Variants in PTPRU observed in about 807,000 individuals in gnomAD.
PTPRU encodes protein tyrosine phosphatase receptor type U.
PTPRU carries 69 observed loss-of-function variants against 166.3 expected under a neutral mutation model. The ratio of observed to expected loss-of-function variants is 0.41; its 90% CI spans 0.34 to 0.51. The LOEUF (loss-of-function observed/expected upper bound fraction) is 0.51. PTPRU is among the 20% of genes least tolerant of loss of function. The probability of loss-of-function intolerance (pLI) is 0.09; values close to 1 mark genes in which losing one functional copy is unlikely to be tolerated. For synonymous variants in PTPRU, 793 were observed against 814.0 expected (o/e 0.97, Z 0.44); for missense variants, 1,657 against 2,013.7 (o/e 0.82, Z 3.39).
intron 15 of PTPRU, among the ~76,000 whole-genome samples, chr1:29,301,998 G>A (rs1687154462): frequency 6.6e-6 from 1 of 152,114 alleles, no homozygotes; most frequent in African/African-American, 2.4e-5. Flanking sequence ...GGACATTTGG[G>A]TTGGTTCCAA....
chr1:29,264,557 G>A (rs12402615), intron 7 of PTPRU, among the ~76,000 whole-genome samples: 20,570 of 151,496 alleles, frequency 0.14, 2,387 homozygotes, highest in East Asian at 0.64. Flanking sequence ...CCAGGCTGGA[G>A]TGCAATGGCG....
chr1:29,249,822 A>G (rs1341957074), intron 1 of PTPRU, among the ~76,000 whole-genome samples: 1 of 152,166 alleles, frequency 6.6e-6, no homozygotes, highest in African/African-American at 2.4e-5. Context: ...TATATCATTT[A>G]TCTCATCTGA....
chr1:29,258,886 G>A, intron 3 of PTPRU, 110 bp downstream of exon 3: 2 of 1,440,420 alleles, frequency 1.4e-6, no homozygotes, highest in Non-Finnish European at 9.2e-7. Context: ...TCTGCATTCA[G>A]TATCAGAGGC....
chr1:29,275,083 C>T (rs1450213175), intron 7 of PTPRU, among the ~76,000 whole-genome samples: 1 of 150,108 alleles, frequency 6.7e-6, no homozygotes, highest in Non-Finnish European at 1.5e-5. Context: ...TTTTTGAGGG[C>T]TTATTGTATA....
intron 15 of PTPRU, among the ~76,000 whole-genome samples, chr1:29,299,392 C>T (rs1687038725): frequency 6.6e-6 from 1 of 152,184 alleles, no homozygotes; most frequent in African/African-American, 2.4e-5. Context: ...AAGTGTGTCT[C>T]AAGTCCCACA....
rs766621505 is a variant in PTPRU at position 29,312,569 on chromosome 1, G to C, written c.3090G>C (p.Arg1030=). 10 of 1,592,750 alleles carry C rather than the reference G, an allele frequency of 6.3e-6. 1 individual carries two copies. The highest frequency in any genetic ancestry group is 8.6e-6 in the Non-Finnish European group (10 of 1,163,136). ...CTCCCCAGAGAGGCTACTCTGCCCG[G>C]CACGAGGTCCGCCAGTTCCACTTCA... ...FALERRGYSA[R]HEVRQFHFTA... is the part of the protein sequence containing the mutation. The change falls in exon 22 of 30, where the codon CGG becomes CGC. Residue 1030 remains arginine, a synonymous_variant. Coordinates refer to ENST00000373779, the MANE Select transcript of PTPRU (RefSeq NM_133178.4).
In PTPRU at chr1:29,260,701, C is replaced by G. The variant is rs1685017522; in HGVS notation, c.942C>G (p.Asp314Glu). The G allele has an allele frequency of 6.3e-7, 1 of 1,588,396 alleles. No individual in the cohort carries two copies. The highest frequency in any genetic ancestry group is 8.6e-7 in the Non-Finnish European group (1 of 1,165,904). The change falls in exon 7 of 30, where the codon GAC becomes GAG. Residue 314 changes from aspartate to glutamate, a missense_variant. Physicochemically the swap from Asp to Glu is conservative, Grantham distance 45 (BLOSUM62 2). This residue lies in a region of PTPRU where 453 missense variants were observed against 496.9 expected (regional missense o/e 0.91). Transcript: ENST00000373779. This position sits in a 1 kb window ranked among gnomAD's most constrained non-coding sequence, Gnocchi z 8.3. ...IQLNTNSIIG[D>E]GPIVRKEIEY... The stretch of plus-strand genomic sequence containing the variant: ...TCAACACCAACTCCATCATTGGCGA[C>G]GGGCCGATCGTGCGCAAGGAGATTG...
chr1:29,301,176 C>G lies in PTPRU; in HGVS notation c.2477-2679C>G, dbSNP rs114761048. On this transcript the variant is annotated intron_variant, in intron 15 of 29. Coordinates refer to ENST00000373779, the MANE Select transcript of PTPRU (RefSeq NM_133178.4). ...TGGAGTTGAATAAGCCCCTCACAGC[C>G]TCACCCAGAGCAGGAGGAGGGACAT... Among the ~76,000 whole-genome samples, 1,273 of 152,252 alleles carry G rather than the reference C, an allele frequency of 8.4e-3. 19 individuals are homozygous for G. Among genetic ancestry groups the G allele is most frequent in the African/African-American group, 0.029 (1,211 of 41,532 alleles).
chr1:29,252,415 G>GCGC (rs1684592648), intron 1 of PTPRU, among the ~76,000 whole-genome samples: 1 of 151,944 alleles, frequency 6.6e-6, no homozygotes, highest in Non-Finnish European at 1.5e-5. Flanking sequence ...CTATAGGCAT[G>GCGC]CGCCACCACA....
intron 21 of PTPRU, 60 bp from the exon 22 acceptor site, chr1:29,312,492 G>A: frequency 1.4e-6 from 2 of 1,453,594 alleles, no homozygotes; most frequent in South Asian, 2.7e-5. Context: ...CACACAGCAG[G>A]TGTCTAATGG....
At chr1:29,259,758 G>A in intron 5 of PTPRU, 112 bp from the exon 6 acceptor site, 2 of 1,345,056 alleles carry the variant, frequency 1.5e-6, no homozygotes, top group Non-Finnish European at 2.0e-6. Context: ...GCGGCTCCAG[G>A]AACCTATGTC....
At position 29,314,051 on chromosome 1, in the gene PTPRU, C is replaced by T. The variant is rs572457464; in HGVS notation, c.3228-1321C>T. On this transcript the variant is annotated intron_variant, in intron 22 of 29. Transcript: ENST00000373779. The stretch of plus-strand genomic sequence containing the variant: ...GGAATCATACAGCATGTGCTCTTTG[C>T]TGTTTGTCTTCTTTCCCTGAGCCTT... Among the ~76,000 whole-genome samples the T allele has an allele frequency of 4.7e-4, 71 of 152,294 alleles. 1 individual carries two copies. The highest frequency in any genetic ancestry group is 1.6e-3 in the African/African-American group (67 of 41,546).
rs1558537171 is a variant in PTPRU, at chr1:29,236,547, C to CTCCGGCTCGG, written c.-98_-97insTCCGGCTCGG. The CTCCGGCTCGG allele has an allele frequency of 5.2e-6, 5 of 964,214 alleles. No homozygotes were observed. Among genetic ancestry groups the CTCCGGCTCGG allele is most frequent in the Non-Finnish European group, 6.5e-6 (5 of 773,390 alleles). The allele number at this position is 964,214 out of a possible 1,614,324, so 59.7% of individuals were successfully genotyped here. A position where few individuals can be genotyped will look rare whatever the true frequency, so the allele number is the denominator to read the frequency against. On this transcript the variant is annotated 5_prime_UTR_variant, in exon 1 of 30. Coordinates refer to ENST00000373779, the MANE Select transcript of PTPRU (RefSeq NM_133178.4). This position sits in a 1 kb window ranked among gnomAD's most constrained non-coding sequence, Gnocchi z 4.6. ...AGTCCCGCTCCGCGCCGCGCCGCTC[C>CTCCGGCTCGG]GCTCCGGCTCGGGCTCCGGCTCGCC...
rs1362099887 is a variant in PTPRU, at chr1:29,237,896, G to T, written c.73+1179G>T. On this transcript the variant is annotated intron_variant, in intron 1 of 29. Transcript: ENST00000373779. This position sits in a 1 kb window ranked among gnomAD's most constrained non-coding sequence, Gnocchi z 6.4. Reference sequence around the variant, plus strand: ...GGCGGCCGGGCGGGGGCTGTCCCCGGGCTGGGCTGCGACGTCCGGGCGCGG... The same window carrying T: ...GGCGGCCGGGCGGGGGCTGTCCCCGTGCTGGGCTGCGACGTCCGGGCGCGG... 6.8e-6 allele frequency among the ~76,000 whole-genome samples: 1 copy of T among 147,776 alleles called. No homozygotes were observed. The highest frequency in any genetic ancestry group is 1.5e-5 in the Non-Finnish European group (1 of 66,508).
At position 29,259,992 on chromosome 1, in the gene PTPRU, C is replaced by T; in HGVS notation, c.798C>T (p.Ser266=). The T allele has an allele frequency of 6.6e-7, 1 of 1,513,334 alleles. No individual in the cohort carries two copies. Among genetic ancestry groups the T allele is most frequent in the Non-Finnish European group, 8.8e-7 (1 of 1,139,716 alleles). 93.7% of individuals were successfully genotyped at this position (1,513,334 alleles called of 1,614,324 possible). ...AGCAGGACCTGTACCGCTGTGTGTC[C>T]CAGGCCCCGCGCGGCGCGGGCGTCT... The part of the protein sequence containing the change: ...RAEQDLYRCV[S]QAPRGAGVSN... The change falls in exon 6 of 30, where the codon TCC becomes TCT. Residue 266 remains serine, a synonymous_variant. Coordinates refer to ENST00000373779, the MANE Select transcript of PTPRU (RefSeq NM_133178.4).
chr1:29,274,765 T>G (rs1557436866), intron 7 of PTPRU, among the ~76,000 whole-genome samples: 1 of 152,084 alleles, frequency 6.6e-6, no homozygotes, highest in Non-Finnish European at 1.5e-5. Flanking sequence ...AAAAATAAAT[T>G]ATTGGCCGGG....
rs968255480 is a variant in PTPRU at position 29,315,237 on chromosome 1, G to A, written c.3228-135G>A. 15 of 1,107,090 alleles carry A rather than the reference G, an allele frequency of 1.4e-5. No homozygotes were observed. Among genetic ancestry groups the A allele is most frequent in the African/African-American group, 9.4e-5 (6 of 64,148 alleles). The allele number at this position is 1,107,090 out of a possible 1,614,324, so 68.6% of individuals were successfully genotyped here. ...CAGCCTGCGTCCTGGCTCCTTACTC[G>A]GGGAGGGGCAGTCATCTCTGTGTCC... On this transcript the variant is annotated intron_variant, in intron 22 of 29. Transcript: ENST00000373779. The surrounding 1 kb of genome is among the most constrained non-coding windows in gnomAD (Gnocchi z 4.5).
intron 14 of PTPRU, among the ~76,000 whole-genome samples, chr1:29,287,850 G>A (rs1477032471): frequency 6.6e-6 from 1 of 151,828 alleles, no homozygotes; most frequent in Non-Finnish European, 1.5e-5. Context: ...TTTTGCTCTT[G>A]TTGTCCAGGC....
rs573509826 is a variant in PTPRU at position 29,260,069 on chromosome 1, G to A, written c.850+25G>A. 3.6e-6 allele frequency: 5 copies of A among 1,382,246 alleles called. No homozygotes were observed. Among genetic ancestry groups the A allele is most frequent in the East Asian group, 2.9e-5 (1 of 34,728 alleles). 85.6% of individuals were successfully genotyped at this position (1,382,246 alleles called of 1,614,324 possible). A position where few individuals can be genotyped will look rare whatever the true frequency, so the allele number is the denominator to read the frequency against. Reference sequence around the variant, plus strand: ...GGTCAGCTGGTGGACGCCGGGGAGCGCCGGGACCTCACCCTCGAGGGGCGG... The same window carrying A: ...GGTCAGCTGGTGGACGCCGGGGAGCACCGGGACCTCACCCTCGAGGGGCGG... On this transcript the variant is annotated intron_variant, in intron 6 of 29. Coordinates refer to ENST00000373779, the MANE Select transcript of PTPRU (RefSeq NM_133178.4). This position sits in a 1 kb window ranked among gnomAD's most constrained non-coding sequence, Gnocchi z 8.3.
Sources: gnomAD v4.1 joint callset for allele counts (sites outside exome capture counted in the v4.1 genomes callset) on GRCh38, gnomAD v4.1.1 for gene constraint, gnomAD v4.1.1 regional missense constraint, Gnocchi (gnomAD v3.1) non-coding constraint, MANE v1.5 for transcripts, NCBI Gene and HGNC (gene_info 2026-07-23, HGNC 2026-07-21) for gene names.